ATP7B: variants seen among roughly 807,000 people sequenced by gnomAD.
ATP7B encodes the protein copper-transporting ATPase 2.
A neutral mutation model predicts 118.9 loss-of-function variants in ATP7B; 113 were observed. The ratio of observed to expected loss-of-function variants is 0.95; its 90% CI spans 0.82 to 1.11. The LOEUF (loss-of-function observed/expected upper bound fraction) is 1.11, where lower values mean the gene tolerates loss of function less well. Among genes scored for constraint, ATP7B ranks in the 50% most tolerant of loss-of-function variants. The pLI is 0.00. For missense variants in ATP7B, 1,867 were observed against 1,871.4 expected (o/e 1.00, Z 0.04); for synonymous variants, 777 against 727.4 (o/e 1.07, Z -1.10).
chr13:51,961,131 ATTCTTT>A (rs1958710781), intron 6 of ATP7B, among the ~76,000 whole-genome samples: 1 of 151,880 alleles, frequency 6.6e-6, no homozygotes, highest in Non-Finnish European at 1.5e-5. Flanking sequence ...ACTTCCACTC[ATTCTTT>A]GAGGCTCAGA....
chr13:51,960,367 T>G (rs1958652819), intron 6 of ATP7B, 45 bp from the exon 7 acceptor site: 1 of 1,594,072 alleles, frequency 6.3e-7, no homozygotes, highest in Non-Finnish European at 8.5e-7. Flanking sequence ...ATGCTGCTTG[T>G]CACCTGGATT....
chr13:51,950,308 C>T lies in ATP7B; in HGVS notation c.2539G>A (p.Glu847Lys), dbSNP rs1957917294. The T allele has an allele frequency of 6.2e-7, 1 of 1,614,160 alleles. No individual in the cohort carries two copies. The highest frequency in any genetic ancestry group is 8.5e-7 in the Non-Finnish European group (1 of 1,180,028). ...GKFPVDGKVL[E>K]GNTMADESLI... The stretch of plus-strand genomic sequence containing the variant: ...GACTCATCAGCCATGGTATTGCCTT[C>T]CAGGACTTTCCCATCCACTGGAAAC... Residue 847 changes from glutamate to lysine, a missense_variant, in exon 10 of 21, where the codon GAA (glutamate) becomes AAA (lysine). Coordinates refer to ENST00000242839, the MANE Select transcript of ATP7B (RefSeq NM_000053.4).
At chr13:51,984,318 G>C (rs139708878) in intron 1 of ATP7B, among the ~76,000 whole-genome samples, 1 of 151,880 alleles carries the variant, frequency 6.6e-6, no homozygotes, top group African/African-American at 2.4e-5. Flanking sequence ...GAATATCAGC[G>C]ACTGAAGATC....
intron 1 of ATP7B, among the ~76,000 whole-genome samples, chr13:52,000,035 G>A (rs1358168422): frequency 2.0e-5 from 3 of 152,046 alleles, no homozygotes; most frequent in African/African-American, 4.8e-5. Flanking sequence ...TTTCACCAGA[G>A]CCTCCAAGTC....
rs762217041 is a variant in ATP7B at position 51,960,247 on chromosome 13, G to A, written c.2022C>T (p.Pro674=). The change falls in exon 7 of 21, where the codon CCC becomes CCT. Residue 674 remains proline (P), a synonymous_variant. Transcript: ENST00000242839. The part of the protein sequence containing the change: ...VMALMIYMLI[P]SNEPHQSMVL... ...CCATGGACTGGTGGGGCTCGTTGCT[G>A]GGTATCAGCATATAGATCATTAAGG... is the stretch of plus-strand genomic sequence containing the variant. 6.2e-7 allele frequency: 1 copy of A among 1,613,946 alleles called. No individual in the cohort carries two copies. Among genetic ancestry groups the A allele is most frequent in the Admixed American group, 1.7e-5 (1 of 59,994 alleles).
At chr13:51,953,868 A>AAAAC (rs1461098056) in intron 9 of ATP7B, among the ~76,000 whole-genome samples, 4 of 148,196 alleles carry the variant, frequency 2.7e-5, no homozygotes, top group African/African-American at 1.0e-4. Context: ...AAAAAAAAAA[A>AAAAC]CCAGAAAATT....
intron 1 of ATP7B, among the ~76,000 whole-genome samples, chr13:52,006,874 C>T (rs976690237): frequency 4.6e-5 from 7 of 152,188 alleles, no homozygotes; most frequent in African/African-American, 1.7e-4. Flanking sequence ...AGCACCACCT[C>T]CCACTGAAGG....
At chr13:51,953,868 A>AAAC (rs1461098056) in intron 9 of ATP7B, among the ~76,000 whole-genome samples, 5 of 148,196 alleles carry the variant, frequency 3.4e-5, no homozygotes, top group African/African-American at 1.3e-4. Flanking sequence ...AAAAAAAAAA[A>AAAC]CCAGAAAATT....
At position 51,960,232 on chromosome 13, in the gene ATP7B, G is replaced by T. The variant is rs1958640296; in HGVS notation, c.2037C>A (p.His679Gln). 1 of 1,613,960 alleles carries T rather than the reference G, an allele frequency of 6.2e-7. No homozygotes were observed. The highest frequency in any genetic ancestry group is 8.5e-7 in the Non-Finnish European group (1 of 1,179,836). The change falls in exon 7 of 21, where the codon CAC becomes CAA. Residue 679 changes from histidine to glutamine, a missense_variant. Transcript: ENST00000242839. Reference sequence around the variant, plus strand: ...TGTTGTGGTCCAGGACCATGGACTGGTGGGGCTCGTTGCTGGGTATCAGCA... The same window carrying T: ...TGTTGTGGTCCAGGACCATGGACTGTTGGGGCTCGTTGCTGGGTATCAGCA... ...IYMLIPSNEP[H>Q]QSMVLDHNII...
intron 12 of ATP7B, 72 bp downstream of exon 12, chr13:51,949,590 T>C: frequency 3.8e-6 from 6 of 1,581,774 alleles, no homozygotes; most frequent in Non-Finnish European, 5.2e-6. Flanking sequence ...ATCTAAGATA[T>C]GAAAGAACAG....
At chr13:51,949,389 T>C (rs1243089888) in intron 12 of ATP7B, among the ~76,000 whole-genome samples, 1 of 152,204 alleles carries the variant, frequency 6.6e-6, no homozygotes. Flanking sequence ...ATAATACATA[T>C]TGTAAATGCT....
In ATP7B at chr13:51,933,047, A is replaced by G. The variant is rs945045204; in HGVS notation, c.*1709T>C. 2 of 152,198 alleles carry G rather than the reference A, an allele frequency of 1.3e-5. No homozygotes were observed. The highest frequency in any genetic ancestry group is 2.9e-5 in the Non-Finnish European group (2 of 68,032). 9.4% of individuals were successfully genotyped at this position (152,198 alleles called of 1,614,324 possible). A position where few individuals can be genotyped will look rare whatever the true frequency, so the allele number is the denominator to read the frequency against. On this transcript the variant is annotated 3_prime_UTR_variant, in exon 21 of 21. Transcript: ENST00000242839. ...TATAAAATAAAACCCTGCAAAAACTATATGTAAAAAGTGAAACTAACCATC... is the reference window on the plus strand; with the variant it reads ...TATAAAATAAAACCCTGCAAAAACTGTATGTAAAAAGTGAAACTAACCATC...
chr13:51,934,945 G>T lies in ATP7B; in HGVS notation c.4209C>A (p.His1403Gln), dbSNP rs1310796915. The change falls in exon 21 of 21, where the codon CAC (histidine) becomes CAA (glutamine). Residue 1403 changes from histidine to glutamine, a missense_variant. Physicochemically the swap from His to Gln is conservative, Grantham distance 24 (BLOSUM62 0). Coordinates refer to ENST00000242839, the MANE Select transcript of ATP7B (RefSeq NM_000053.4). ...CCCGCCACCTGTCATCCATGCCTATGTGCACACTGACCTGGGATGCCGTCA... is the reference window on the plus strand; with the variant it reads ...CCCGCCACCTGTCATCCATGCCTATTTGCACACTGACCTGGGATGCCGTCA... ...KPLTASQVSV[H>Q]IGMDDRWRDS... The T allele has an allele frequency of 6.2e-7, 1 of 1,614,094 alleles. No homozygotes were observed. Among genetic ancestry groups the T allele is most frequent in the East Asian group, 2.2e-5 (1 of 44,884 alleles).
chr13:52,002,176 A>G (rs1953519306), intron 1 of ATP7B, among the ~76,000 whole-genome samples: 1 of 152,114 alleles, frequency 6.6e-6, no homozygotes, highest in Non-Finnish European at 1.5e-5. Context: ...ATTTCTCAAT[A>G]AGCATTTGTT....
chr13:51,941,105 T>C lies in ATP7B; in HGVS notation c.3532A>G (p.Thr1178Ala), dbSNP rs1387431334. The C allele has an allele frequency of 1.9e-6, 3 of 1,614,108 alleles. No homozygotes were observed. Among genetic ancestry groups the C allele is most frequent in the East Asian group, 2.2e-5 (1 of 44,892 alleles). Residue 1178 changes from threonine to alanine, a missense_variant, in exon 16 of 21, where the codon ACA (threonine) becomes GCA (alanine). Coordinates refer to ENST00000242839, the MANE Select transcript of ATP7B (RefSeq NM_000053.4). ...AMTDHEMKGQ[T>A]AILVAIDGVL... ...CCGTCAATAGCCACCAGGATGGCTG[T>C]CTGTCCTTTCATCTCGTGGTCTGTC...
chr13:51,962,728 T>G (rs1260800048), intron 5 of ATP7B, among the ~76,000 whole-genome samples: 2 of 152,006 alleles, frequency 1.3e-5, no homozygotes, highest in Non-Finnish European at 2.9e-5. Flanking sequence ...AGTCCCCAAA[T>G]AAGGTCAGCA....
rs1298352015 is a variant in ATP7B at position 51,937,413 on chromosome 13, A to G, written c.3904-20T>C. ...ATCATTCTGATGGAGAGGAGCACAC[A>G]GTGAGGAAGGGGTCTGCCCATTGCC... On this transcript the variant is annotated intron_variant, in intron 18 of 20. Transcript: ENST00000242839. 1 of 1,614,080 alleles carries G rather than the reference A, an allele frequency of 6.2e-7. No homozygotes were observed. The highest frequency in any genetic ancestry group is 8.5e-7 in the Non-Finnish European group (1 of 1,180,012).
At chr13:51,937,245 A>C (rs1345551115) in intron 19 of ATP7B, 31 bp downstream of exon 19, 3 of 1,599,088 alleles carry the variant, frequency 1.9e-6, no homozygotes, top group African/African-American at 2.7e-5. Flanking sequence ...TTCTGGGCGC[A>C]GCTGGAGCAC....
chr13:52,002,888 G>T (rs1021658734), intron 1 of ATP7B, among the ~76,000 whole-genome samples: 1 of 152,116 alleles, frequency 6.6e-6, no homozygotes, highest in Non-Finnish European at 1.5e-5. Flanking sequence ...ATATGTTATG[G>T]CAAAAAAATG....
Sources: allele counts gnomAD v4.1 joint callset (sites outside exome capture counted in the v4.1 genomes callset), GRCh38; gene constraint gnomAD v4.1.1; transcripts MANE v1.5; gene names NCBI Gene and HGNC (gene_info 2026-07-23, HGNC 2026-07-21).